MIPEP: variants seen among roughly 807,000 people sequenced by gnomAD.
MIPEP encodes the protein mitochondrial intermediate peptidase.
In MIPEP, 79 loss-of-function variants were observed where a neutral mutation model predicts 90.3. The ratio of observed to expected loss-of-function variants is 0.87; its 90% CI spans 0.73 to 1.05. MIPEP has a LOEUF of 1.05. MIPEP is among the 50% of genes least tolerant of loss of function. The pLI is 0.00. For synonymous variants in MIPEP, 334 were observed against 315.8 expected (o/e 1.06, Z -0.61); for missense variants, 940 against 905.6 (o/e 1.04, Z -0.49).
chr13:23,742,957 T>C (rs955423677), intron 18 of MIPEP, among the ~76,000 whole-genome samples: 3 of 152,176 alleles, frequency 2.0e-5, no homozygotes, highest in African/African-American at 7.2e-5. Flanking sequence ...TGGCAAATGG[T>C]ATGGCATGTA....
chr13:23,874,611 A>G, intron 5 of MIPEP, among the ~76,000 whole-genome samples: 1 of 151,912 alleles, frequency 6.6e-6, no homozygotes, highest in South Asian at 2.1e-4. Context: ...TATCTAAAAC[A>G]CTCCACTTGG....
intron 15 of MIPEP, among the ~76,000 whole-genome samples, chr13:23,807,189 T>C (rs193104533): frequency 1.8e-3 from 275 of 152,344 alleles, no homozygotes; most frequent in Non-Finnish European, 2.2e-3. Context: ...AAATCTGCTG[T>C]TTACAAAGTA....
At chr13:23,831,526 T>C (rs1174232304) in intron 14 of MIPEP, among the ~76,000 whole-genome samples, 1 of 152,118 alleles carries the variant, frequency 6.6e-6, no homozygotes. Context: ...GGGCAACACA[T>C]CCGGCAGCTC....
At chr13:23,779,363 A>T (rs1285886055) in intron 16 of MIPEP, among the ~76,000 whole-genome samples, 1 of 152,234 alleles carries the variant, frequency 6.6e-6, no homozygotes, top group Non-Finnish European at 1.5e-5. Context: ...GAAAACAAGT[A>T]ACTTCCTTAT....
At chr13:23,828,455 A>T (rs1397526753) in intron 14 of MIPEP, among the ~76,000 whole-genome samples, 1 of 152,252 alleles carries the variant, frequency 6.6e-6, no homozygotes, top group Non-Finnish European at 1.5e-5. Context: ...AAATTCTGTG[A>T]ATTAATAAGA....
At chr13:23,826,674 TTAAATGCTTATGTTAAATAAAACAGAA>T (rs1212506142) in intron 14 of MIPEP, among the ~76,000 whole-genome samples, 1 of 152,182 alleles carries the variant, frequency 6.6e-6, no homozygotes, top group Non-Finnish European at 1.5e-5. Context: ...GCATTAAAAT[TTAAATGCTTATGTTAAATAAAACAGAA>T]ACCGAATTAG....
In MIPEP at chr13:23,731,794, A is replaced by T. The variant is rs901758784; in HGVS notation, c.2045-1349T>A. Among the ~76,000 whole-genome samples, 3 of 152,082 alleles carry T rather than the reference A, an allele frequency of 2.0e-5. No individual in the cohort carries two copies. The South Asian group carries it at 6.2e-4, about 32-fold the overall frequency. On this transcript the variant is annotated intron_variant, in intron 18 of 18. Coordinates refer to ENST00000382172, the MANE Select transcript of MIPEP (RefSeq NM_005932.4). ...ACCCATTGTAAAAATATGTTTTTTT[A>T]AATTACAAATTGACAAAAGATTTTA...
chr13:23,850,431 A>G (rs974232881), intron 10 of MIPEP, among the ~76,000 whole-genome samples: 1 of 152,172 alleles, frequency 6.6e-6, no homozygotes, highest in Non-Finnish European at 1.5e-5. Flanking sequence ...AGAATCCACC[A>G]TTGCTAATTT....
intron 14 of MIPEP, among the ~76,000 whole-genome samples, chr13:23,824,816 C>A (rs909117971): frequency 6.6e-6 from 1 of 152,146 alleles, no homozygotes; most frequent in African/African-American, 2.4e-5. Flanking sequence ...TTCTAACAAA[C>A]TAAATAAGAT....
intron 18 of MIPEP, among the ~76,000 whole-genome samples, chr13:23,752,314 C>T (rs886286244): frequency 2.2e-4 from 34 of 152,198 alleles, no homozygotes; most frequent in African/African-American, 8.2e-4. Flanking sequence ...AATATAGTTT[C>T]CATTCCTAAT....
At chr13:23,803,273 G>A (rs938934037) in intron 16 of MIPEP, among the ~76,000 whole-genome samples, 5 of 151,996 alleles carry the variant, frequency 3.3e-5, no homozygotes, top group Non-Finnish European at 7.4e-5. Context: ...TGAGGAAGGA[G>A]AATTGCTTGA....
chr13:23,810,017 G>A (rs1953154661), intron 14 of MIPEP, 93 bp from the exon 15 acceptor site: 2 of 646,498 alleles, frequency 3.1e-6, no homozygotes, highest in South Asian at 4.6e-5. Flanking sequence ...AACATCAAAT[G>A]TAACATGAGT....
At chr13:23,799,602 A>G (rs1289377541) in intron 16 of MIPEP, among the ~76,000 whole-genome samples, 1 of 152,240 alleles carries the variant, frequency 6.6e-6, no homozygotes, top group East Asian at 1.9e-4. Flanking sequence ...CTGGGATTAC[A>G]GGCATGAGCC....
At chr13:23,846,522 T>A (rs1299355058) in intron 10 of MIPEP, among the ~76,000 whole-genome samples, 1 of 152,220 alleles carries the variant, frequency 6.6e-6, no homozygotes, top group African/African-American at 2.4e-5. Flanking sequence ...TGCATATACA[T>A]AATGAGATAT....
intron 14 of MIPEP, among the ~76,000 whole-genome samples, chr13:23,827,665 G>A (rs1195112230): frequency 2.0e-5 from 3 of 152,074 alleles, no homozygotes; most frequent in Non-Finnish European, 4.4e-5. Flanking sequence ...CAAAAATCAA[G>A]AATATAAAAA....
At chr13:23,871,090 A>C (rs1870784387) in intron 5 of MIPEP, among the ~76,000 whole-genome samples, 2 of 152,200 alleles carry the variant, frequency 1.3e-5, no homozygotes. Context: ...GATACAGTGA[A>C]GTCTAAGAAG....
rs986088859 is a variant in MIPEP, at chr13:23,743,918, G to C, written c.2044+12627C>G. On this transcript the variant is annotated intron_variant, in intron 18 of 18. Transcript: ENST00000382172. ...TTCAGCGATTTCAGAGGCTACGTTG[G>C]GTAAATATATGAACAAGCCAAAGAT... Among the ~76,000 whole-genome samples the C allele has an allele frequency of 1.7e-4, 26 of 152,206 alleles. 1 individual carries two copies. Among genetic ancestry groups the C allele is most frequent in the African/African-American group, 5.5e-4 (23 of 41,536 alleles).
At chr13:23,875,846 T>C (rs1227388063) in intron 4 of MIPEP, among the ~76,000 whole-genome samples, 1 of 152,188 alleles carries the variant, frequency 6.6e-6, no homozygotes, top group Non-Finnish European at 1.5e-5. Context: ...TTATATTATA[T>C]ATTTAGAATA....
At chr13:23,781,669 A>G (rs1382562265) in intron 16 of MIPEP, among the ~76,000 whole-genome samples, 4 of 152,350 alleles carry the variant, frequency 2.6e-5, no homozygotes, top group South Asian at 2.1e-4. Flanking sequence ...CAAATTGGAT[A>G]AAGAGTCAAG....
Sources: gnomAD v4.1 joint callset for allele counts (sites outside exome capture counted in the v4.1 genomes callset) on GRCh38, gnomAD v4.1.1 for gene constraint, MANE v1.5 for transcripts, NCBI Gene and HGNC (gene_info 2026-07-23, HGNC 2026-07-21) for gene names.